KCTD1: variants seen among roughly 807,000 people sequenced by gnomAD.
KCTD1 encodes potassium channel tetramerization domain containing 1.
In KCTD1, 24 loss-of-function variants were observed where a neutral mutation model predicts 66.0. That is an observed-to-expected ratio of 0.36 (90% confidence interval 0.26 to 0.51). KCTD1 has a LOEUF of 0.51. Ranked by LOEUF, KCTD1 falls within the 20% of genes least tolerant of loss-of-function variation. KCTD1 has a pLI of 0.95. For missense variants in KCTD1, 943 were observed against 1,205.2 expected, an observed-to-expected ratio of 0.78 and a Z score of 3.22; for synonymous variants, 511 against 517.2, an observed-to-expected ratio of 0.99 and a Z score of 0.16.
chr18:26,550,604 A>ACACACC (rs1257101913), upstream of KCTD1, among the ~76,000 whole-genome samples: 2 of 147,908 alleles, frequency 1.4e-5, no homozygotes, highest in African/African-American at 5.0e-5. The surrounding 1 kb of genome is among the most constrained non-coding windows in gnomAD (Gnocchi z 5.4). Flanking sequence ...ACACACACAC[A>ACACACC]CCACGCTCTC....
intron 3 of KCTD1, among the ~76,000 whole-genome samples, chr18:26,474,602 G>T (rs1279920300): frequency 6.6e-6 from 1 of 151,602 alleles, no homozygotes; most frequent in East Asian, 1.9e-4. Context: ...TTTTTTCTTT[G>T]GGAAAATTTT....
intron 1 of KCTD1, among the ~76,000 whole-genome samples, chr18:26,508,177 C>T (rs571975560): frequency 2.2e-3 from 332 of 152,232 alleles, no homozygotes; most frequent in Non-Finnish European, 3.3e-3. Context: ...TCTCTAATTC[C>T]TCTTTTCCCA....
At chr18:26,482,365 CT>C (rs986067091) in intron 2 of KCTD1, among the ~76,000 whole-genome samples, 2 of 152,120 alleles carry the variant, frequency 1.3e-5, no homozygotes, top group Non-Finnish European at 2.9e-5. Context: ...CCTGAGGTTC[CT>C]TTCAAACTGC....
chr18:26,546,570 G>C (rs1300163880), intron 1 of KCTD1, among the ~76,000 whole-genome samples, 158 bp downstream of exon 1: 1 of 152,174 alleles, frequency 6.6e-6, no homozygotes, highest in African/African-American at 2.4e-5. Context: ...TTCCCAAAAA[G>C]CACCAAGAGA....
At chr18:26,652,458 G>T (rs567491869) in intron 1 of KCTD1, among the ~76,000 whole-genome samples, 1 of 152,252 alleles carries the variant, frequency 6.6e-6, no homozygotes, top group East Asian at 1.9e-4. Context: ...TATGTAAACG[G>T]ACTTTTAAAA....
intron 1 of KCTD1, among the ~76,000 whole-genome samples, chr18:26,506,539 G>A (rs1321502088): frequency 1.3e-5 from 2 of 152,148 alleles, no homozygotes; most frequent in Non-Finnish European, 2.9e-5. Context: ...TCAATATAGC[G>A]TCGCAACCAC....
At chr18:26,565,088 G>A (rs1453719741) in intron 1 of KCTD1, among the ~76,000 whole-genome samples, 1 of 152,176 alleles carries the variant, frequency 6.6e-6, no homozygotes, top group Non-Finnish European at 1.5e-5. Flanking sequence ...TGGATAAGAT[G>A]AGAGAAAAGG....
chr18:26,505,910 C>T (rs1300369045), intron 1 of KCTD1, among the ~76,000 whole-genome samples: 2 of 152,126 alleles, frequency 1.3e-5, no homozygotes, highest in Admixed American at 6.6e-5. Flanking sequence ...GGTCTCACCT[C>T]TGTCACTCAG....
intron 2 of KCTD1, among the ~76,000 whole-genome samples, chr18:26,494,595 A>G (rs1278793130): frequency 6.6e-6 from 1 of 152,192 alleles, no homozygotes; most frequent in Non-Finnish European, 1.5e-5. Context: ...CATAAAATCC[A>G]GTTTCATTGT....
Position 26,455,311 on chromosome 18 carries a change from T to TAAA in KCTD1, c.*429_*431dup, listed in dbSNP as rs898122059. On this transcript the variant is annotated 3_prime_UTR_variant, in exon 5 of 5. Transcript: ENST00000580059. The stretch of plus-strand genomic sequence containing the variant: ...AGGTGTTTTGTTTGTTTTGTTTTTT[T>TAAA]AAAAAAAAAGGAAAAAGAAAGACAA... The TAAA allele has an allele frequency of 3.3e-5, 5 of 151,636 alleles. No homozygotes were observed. Among genetic ancestry groups the TAAA allele is most frequent in the Non-Finnish European group, 4.4e-5 (3 of 67,978 alleles). 9.4% of individuals were successfully genotyped at this position (151,636 alleles called of 1,614,324 possible).
intron 1 of KCTD1, among the ~76,000 whole-genome samples, chr18:26,656,798 G>A (rs1447402390): frequency 4.6e-5 from 7 of 150,696 alleles, no homozygotes; most frequent in Non-Finnish European, 7.4e-5. Context: ...GCTTGGCTCT[G>A]GGCGCCCCCG....
chr18:26,570,842 G>A (rs768471659), intron 1 of KCTD1, among the ~76,000 whole-genome samples: 1 of 152,204 alleles, frequency 6.6e-6, no homozygotes, highest in South Asian at 2.1e-4. Flanking sequence ...TATACCCTGA[G>A]TGTAATTCCA....
chr18:26,599,621 A>G (rs2144966791), intron 1 of KCTD1: 3 of 1,474,836 alleles, frequency 2.0e-6, no homozygotes, highest in East Asian at 4.5e-5. Flanking sequence ...GGGAAGCACC[A>G]CTCTGCACAG....
At chr18:26,562,991 G>T (rs765718002) in intron 1 of KCTD1, among the ~76,000 whole-genome samples, 1 of 152,086 alleles carries the variant, frequency 6.6e-6, no homozygotes, top group Admixed American at 6.5e-5. Context: ...AGTTCCGTCC[G>T]CAACACCATC....
intron 1 of KCTD1, among the ~76,000 whole-genome samples, chr18:26,578,736 C>G (rs894515231): frequency 6.6e-6 from 1 of 152,188 alleles, no homozygotes; most frequent in African/African-American, 2.4e-5. Flanking sequence ...TTACATATGA[C>G]TTCTCTTCCC....
intron 1 of KCTD1, among the ~76,000 whole-genome samples, chr18:26,522,183 T>C (rs981274034): frequency 6.6e-6 from 1 of 152,182 alleles, no homozygotes; most frequent in East Asian, 1.9e-4. Flanking sequence ...GAAATAGGGT[T>C]GCTGCAGAAG....
chr18:26,651,800 AAG>A (rs869203528), intron 1 of KCTD1, among the ~76,000 whole-genome samples: 9,150 of 51,338 alleles, frequency 0.18, 275 homozygotes, highest in Non-Finnish European at 0.21. Flanking sequence ...AAAAAAAAAA[AAG>A]AAGAAGAAGA....
Position 26,583,999 on chromosome 18 carries a change from A to G in KCTD1, c.-16+45148T>C, listed in dbSNP as rs544786518. ...TCCTCAAGTTAACATCAGTCCACAGATCAAGAAATAAATCCATATAGTGGC... is the reference window on the plus strand; with the variant it reads ...TCCTCAAGTTAACATCAGTCCACAGGTCAAGAAATAAATCCATATAGTGGC... On this transcript the variant is annotated intron_variant, in intron 1 of 4. Coordinates refer to the KCTD1 transcript ENST00000317932. Among the ~76,000 whole-genome samples, 9 of 152,330 alleles carry G rather than the reference A, an allele frequency of 5.9e-5. No homozygotes were observed. The East Asian group carries it at 1.5e-3, about 26-fold the overall frequency.
chr18:26,459,656 A>G lies in KCTD1; in HGVS notation c.2403T>C (p.Phe801=), dbSNP rs1023079665. The change falls in exon 4 of 5, where the codon TTT becomes TTC. Residue 801 remains phenylalanine, a synonymous_variant. Coordinates refer to ENST00000580059, the MANE Select transcript of KCTD1 (RefSeq NM_001142730.3). ...WNHDSTHVIR[F]PLNGYCHLNS... is the part of the protein sequence containing the mutation. ...TGAGGTGACAGTAGCCATTTAGTGG[A>G]AACCTGATGACGTGCGTCGAGTCGT... 1.2e-6 allele frequency: 2 copies of G among 1,607,446 alleles called. No individual in the cohort carries two copies. The highest frequency in any genetic ancestry group is 1.1e-5 in the South Asian group (1 of 90,164).
Sources: gnomAD v4.1 joint callset for allele counts (sites outside exome capture counted in the v4.1 genomes callset) on GRCh38, gnomAD v4.1.1 for gene constraint, Gnocchi (gnomAD v3.1) non-coding constraint, MANE v1.5 for transcripts, NCBI Gene and HGNC (gene_info 2026-07-23, HGNC 2026-07-21) for gene names.